Variants in MROH9 observed in about 807,000 individuals in gnomAD.
The protein encoded by MROH9 is maestro heat like repeat family member 9.
A neutral mutation model predicts 98.2 loss-of-function variants in MROH9; 92 were observed. That is an observed-to-expected ratio of 0.94 (90% CI 0.79 to 1.11). MROH9 has a LOEUF of 1.11. MROH9 is among the 50% of genes most tolerant of loss of function. The pLI is 0.00. For synonymous variants in MROH9, 397 were observed against 368.9 expected (o/e 1.08, Z -0.87); for missense variants, 1,057 against 1,014.8 (o/e 1.04, Z -0.57).
At chr1:171,035,445 T>A (rs1234815898) in intron 20 of MROH9, among the ~76,000 whole-genome samples, 1 of 151,696 alleles carries the variant, frequency 6.6e-6, no homozygotes, top group Non-Finnish European at 1.5e-5. Flanking sequence ...TATAAAAAAA[T>A]AAAAACTGAT....
intron 20 of MROH9, among the ~76,000 whole-genome samples, chr1:171,031,423 T>C (rs1164426247): frequency 6.6e-6 from 1 of 152,138 alleles, no homozygotes; most frequent in African/African-American, 2.4e-5. Flanking sequence ...TGGTACTGGG[T>C]GCTTTTTTTC....
At chr1:171,009,062 A>T (rs888037547) in intron 15 of MROH9, among the ~76,000 whole-genome samples, 4 of 150,696 alleles carry the variant, frequency 2.7e-5, no homozygotes, top group Admixed American at 2.0e-4. Flanking sequence ...TTTTAAATAT[A>T]TACTTATCTT....
Position 170,970,725 on chromosome 1 carries a change from TGTGTGTGAGAGA to T in MROH9, c.481-1021_481-1010del, listed in dbSNP as rs1421255981. Among the ~76,000 whole-genome samples the T allele has an allele frequency of 3.1e-5, 4 of 129,620 alleles. No individual in the cohort carries two copies. The South Asian group carries it at 8.8e-4, about 29-fold the overall frequency. The allele number at this position is 129,620 out of a possible 152,430, so 85.0% of individuals were successfully genotyped here. On this transcript the variant is annotated intron_variant, in intron 7 of 21. Transcript: ENST00000367759. Reference sequence around the variant, plus strand: ...TTCTGTGTGTGTGTGTGTGTGTGTGTGTGTGTGAGAGAGAGAGAGAGAGAGAGAGAGAGAGAG... The same window carrying T: ...TTCTGTGTGTGTGTGTGTGTGTGTGTGAGAGAGAGAGAGAGAGAGAGAGAG...
chr1:171,036,778 A>C (rs940968211), intron 20 of MROH9, among the ~76,000 whole-genome samples: 4 of 143,130 alleles, frequency 2.8e-5, no homozygotes, highest in African/African-American at 9.0e-5. Flanking sequence ...AGAATAGATG[A>C]ATACAAAAAT....
intron 6 of MROH9, among the ~76,000 whole-genome samples, chr1:170,963,825 C>T (rs1650122095): frequency 6.6e-6 from 1 of 151,786 alleles, no homozygotes; most frequent in Non-Finnish European, 1.5e-5. Context: ...GATACTGGGG[C>T]CTGACAAAGG....
In MROH9 at chr1:170,958,413, G is replaced by A. The variant is rs780043182; in HGVS notation, c.73-48G>A. Reference sequence around the variant, plus strand: ...ATGCTATTATGAGTCTCACTGCTCTGTAATCATTAATTCTTCTTTTTTTTT... The same window carrying A: ...ATGCTATTATGAGTCTCACTGCTCTATAATCATTAATTCTTCTTTTTTTTT... On this transcript the variant is annotated intron_variant, in intron 3 of 21. Coordinates refer to ENST00000367759, the MANE Select transcript of MROH9 (RefSeq NM_001163629.2). 8 of 1,198,904 alleles carry A rather than the reference G, an allele frequency of 6.7e-6. No individual in the cohort carries two copies. The African/African-American group carries it at 1.1e-4, about 16-fold the overall frequency. 74.3% of individuals were successfully genotyped at this position (1,198,904 alleles called of 1,614,324 possible).
At chr1:171,039,091 T>G (rs1016671276) in intron 20 of MROH9, among the ~76,000 whole-genome samples, 1 of 152,162 alleles carries the variant, frequency 6.6e-6, no homozygotes, top group Admixed American at 6.5e-5. Context: ...ACAGTTGAGA[T>G]CACATGCTTA....
chr1:171,049,709 A>G (rs1166341530), intron 20 of MROH9, among the ~76,000 whole-genome samples: 2 of 149,152 alleles, frequency 1.3e-5, no homozygotes, highest in Admixed American at 1.3e-4. Context: ...TATTTGAGAC[A>G]TGGTCTCCTC....
intron 15 of MROH9, among the ~76,000 whole-genome samples, chr1:171,003,588 T>G (rs1425089816): frequency 6.6e-6 from 1 of 152,232 alleles, no homozygotes; most frequent in Non-Finnish European, 1.5e-5. Context: ...AGTCCTGTGA[T>G]GTGAACCATT....
intron 20 of MROH9, among the ~76,000 whole-genome samples, chr1:171,027,264 CTTG>C (rs1386157731): frequency 6.6e-6 from 1 of 152,092 alleles, no homozygotes; most frequent in Non-Finnish European, 1.5e-5. Flanking sequence ...TCCATGTGTT[CTTG>C]TTGTTCAACT....
At chr1:170,978,512 G>A (rs903770528) in intron 8 of MROH9, among the ~76,000 whole-genome samples, 3 of 151,942 alleles carry the variant, frequency 2.0e-5, no homozygotes, top group Non-Finnish European at 4.4e-5. Context: ...CAGGGAATAA[G>A]GGCTAGACTC....
At chr1:170,998,561 A>G in intron 15 of MROH9, 1 of 1,389,012 alleles carries the variant, frequency 7.2e-7, no homozygotes, top group Non-Finnish European at 9.3e-7. Flanking sequence ...ATATTTCTGC[A>G]TGATTGTTAA....
At position 171,024,708 on chromosome 1, in the gene MROH9, G is replaced by A; in HGVS notation, c.2121G>A (p.Leu707=). ...TSQLKWSTSR[L]LKDENYSFEM... Reference sequence around the variant, plus strand: ...AATTAAAGTGGTCAACATCACGTTTGCTCAAAGATGAAAATTACAGTTTTG... The same window carrying A: ...AATTAAAGTGGTCAACATCACGTTTACTCAAAGATGAAAATTACAGTTTTG... Residue 707 remains leucine, a synonymous_variant, in exon 19 of 22, where the codon TTG becomes TTA. Coordinates refer to ENST00000367759, the MANE Select transcript of MROH9 (RefSeq NM_001163629.2). 6.4e-7 allele frequency: 1 copy of A among 1,551,212 alleles called. No individual in the cohort carries two copies.
At position 170,947,496 on chromosome 1, in the gene MROH9, C is replaced by T. The variant is rs1356751815; in HGVS notation, c.26-31C>T. On this transcript the variant is annotated intron_variant, in intron 2 of 21. Transcript: ENST00000367759. ...AGATGATAGGAGTCTATGTTCATTC[C>T]TTTTTAACGAATCTCCTTCTTTCTG... The T allele has an allele frequency of 2.5e-6, 4 of 1,599,512 alleles. No individual in the cohort carries two copies. The East Asian group carries it at 8.9e-5, about 36-fold the overall frequency.
chr1:170,949,220 T>A (rs959721489), intron 3 of MROH9, among the ~76,000 whole-genome samples: 4 of 152,000 alleles, frequency 2.6e-5, no homozygotes, highest in Admixed American at 2.0e-4. Flanking sequence ...CTAAGGGAAG[T>A]CTCAAGAATA....
intron 15 of MROH9, among the ~76,000 whole-genome samples, chr1:171,005,835 G>T (rs1198555785): frequency 6.6e-6 from 1 of 152,044 alleles, no homozygotes; most frequent in Non-Finnish European, 1.5e-5. Context: ...CTCCTTACCT[G>T]CTCCCATTTT....
chr1:170,951,818 T>C (rs533152685), intron 3 of MROH9, among the ~76,000 whole-genome samples: 42 of 152,240 alleles, frequency 2.8e-4, no homozygotes, highest in African/African-American at 1.0e-3. Context: ...CTGAAAATGA[T>C]GAGAGTGAAT....
Position 170,945,551 on chromosome 1 carries a change from G to C in MROH9, c.-6G>C. 6.2e-7 allele frequency: 1 copy of C among 1,612,156 alleles called. No individual in the cohort carries two copies. On this transcript the variant is annotated 5_prime_UTR_variant, in exon 2 of 22. Coordinates refer to ENST00000367759, the MANE Select transcript of MROH9 (RefSeq NM_001163629.2). Reference sequence around the variant, plus strand: ...TAGTAGAAGACTTTAATACACCTCTGTCAGCATGTTGACAAGGAATCCAAA... The same window carrying C: ...TAGTAGAAGACTTTAATACACCTCTCTCAGCATGTTGACAAGGAATCCAAA...
At chr1:170,967,279 T>C (rs1259497123) in intron 7 of MROH9, among the ~76,000 whole-genome samples, 3 of 152,152 alleles carry the variant, frequency 2.0e-5, no homozygotes, top group Non-Finnish European at 2.9e-5. Context: ...TTCCAGAACA[T>C]TGAAACTAGA....
Sources: gnomAD v4.1 joint callset for allele counts (sites outside exome capture counted in the v4.1 genomes callset) on GRCh38, gnomAD v4.1.1 for gene constraint, MANE v1.5 for transcripts, NCBI Gene and HGNC (gene_info 2026-07-23, HGNC 2026-07-21) for gene names.